Variants in ELOVL6 observed in about 807,000 individuals in gnomAD.
The protein encoded by ELOVL6 is ELOVL fatty acid elongase 6.
Under a neutral mutation model 31.7 loss-of-function variants are expected in ELOVL6, and 8 were observed. The observed-to-expected ratio is 0.25, with a 90% CI of 0.15 to 0.45. The LOEUF (loss-of-function observed/expected upper bound fraction) is 0.45. Ranked by LOEUF, ELOVL6 falls within the 20% of genes least tolerant of loss-of-function variation. The pLI, the probability that ELOVL6 is intolerant of heterozygous loss-of-function variation, is 1.00. For missense variants in ELOVL6, 126 were observed against 326.4 expected (o/e 0.39, Z 4.73); for synonymous variants, 101 against 117.7 (o/e 0.86, Z 0.92).
At chr4:110,125,654 C>T (rs1048347439) in intron 1 of ELOVL6, among the ~76,000 whole-genome samples, 1 of 150,714 alleles carries the variant, frequency 6.6e-6, no homozygotes, top group Non-Finnish European at 1.5e-5. Context: ...AACCCCATCT[C>T]TCTTAAAAAA....
In ELOVL6 at chr4:110,087,520, A is replaced by C. The variant is rs141649317; in HGVS notation, c.221+17977T>G. Among the ~76,000 whole-genome samples, 1,076 of 152,308 alleles carry C rather than the reference A, an allele frequency of 7.1e-3. 16 individuals are homozygous for C. Among genetic ancestry groups the C allele is most frequent in the African/African-American group, 0.025 (1,025 of 41,574 alleles). ...AACTTGGCAGCTCTAAAGGGTAATT[A>C]TTCTCACTTTTGGACTTGATCCAAT... On this transcript the variant is annotated intron_variant, in intron 2 of 3. Coordinates refer to ENST00000302274, the MANE Select transcript of ELOVL6 (RefSeq NM_024090.3).
chr4:110,066,082 G>C (rs1041836158), intron 2 of ELOVL6, among the ~76,000 whole-genome samples: 2 of 152,114 alleles, frequency 1.3e-5, no homozygotes, highest in African/African-American at 4.8e-5. Context: ...ACAATCAAAG[G>C]GGGGTGGGAG....
chr4:110,100,034 A>G (rs1756697912), intron 2 of ELOVL6, among the ~76,000 whole-genome samples: 1 of 152,222 alleles, frequency 6.6e-6, no homozygotes, highest in Non-Finnish European at 1.5e-5. Context: ...ATGTTCAAAC[A>G]CCCATGGATA....
At chr4:110,099,836 T>C (rs1000252158) in intron 2 of ELOVL6, among the ~76,000 whole-genome samples, 2 of 152,120 alleles carry the variant, frequency 1.3e-5, no homozygotes, top group African/African-American at 4.8e-5. Context: ...CATAGCAACA[T>C]GATTGAATGA....
intron 1 of ELOVL6, among the ~76,000 whole-genome samples, chr4:110,139,676 A>T (rs1250788745): frequency 6.6e-6 from 1 of 152,066 alleles, no homozygotes; most frequent in Non-Finnish European, 1.5e-5. Context: ...AGCTTTGTTT[A>T]TCTAAGATTT....
At chr4:110,167,101 CAAG>C (rs1758800108) in intron 1 of ELOVL6, among the ~76,000 whole-genome samples, 1 of 152,168 alleles carries the variant, frequency 6.6e-6, no homozygotes, top group East Asian at 1.9e-4. Flanking sequence ...TGACTTGACC[CAAG>C]AAGACCAAAC....
At chr4:110,082,168 T>C (rs757107629) in intron 2 of ELOVL6, among the ~76,000 whole-genome samples, 17,897 of 148,012 alleles carry the variant, frequency 0.12, 1,088 homozygotes, top group African/African-American at 0.14. Flanking sequence ...AGTTCAACCA[T>C]CGTGGAAGTC....
intron 1 of ELOVL6, among the ~76,000 whole-genome samples, chr4:110,139,088 T>A (rs944499418): frequency 3.9e-5 from 6 of 152,146 alleles, no homozygotes; most frequent in Non-Finnish European, 7.4e-5. Context: ...TTCTTTTTAA[T>A]TTTAAGAAAA....
chr4:110,103,697 C>T (rs78039257), intron 2 of ELOVL6, among the ~76,000 whole-genome samples: 5,193 of 152,122 alleles, frequency 0.034, 140 homozygotes, highest in East Asian at 0.11. Flanking sequence ...AGAGGAAGCT[C>T]TATGGGGTAA....
intron 2 of ELOVL6, among the ~76,000 whole-genome samples, chr4:110,063,964 G>T (rs1755221913): frequency 6.6e-6 from 1 of 151,190 alleles, no homozygotes; most frequent in Non-Finnish European, 1.5e-5. Flanking sequence ...TGTAATCCTA[G>T]CTACTTGGGA....
At chr4:110,103,941 A>G (rs1415550706) in intron 2 of ELOVL6, among the ~76,000 whole-genome samples, 1 of 152,220 alleles carries the variant, frequency 6.6e-6, no homozygotes, top group East Asian at 1.9e-4. Context: ...ACCTTTAGCC[A>G]TGGTATGATT....
At chr4:110,105,468 G>A (rs986428133) in intron 2 of ELOVL6, 29 bp downstream of exon 2, 19 of 1,579,328 alleles carry the variant, frequency 1.2e-5, no homozygotes, top group Middle Eastern at 3.4e-4. Flanking sequence ...AAATGGATAC[G>A]TTTTATTAGA....
chr4:110,147,599 G>C (rs1758154858), intron 1 of ELOVL6, among the ~76,000 whole-genome samples: 1 of 152,114 alleles, frequency 6.6e-6, no homozygotes, highest in African/African-American at 2.4e-5. Context: ...TCAAATGCCT[G>C]GGTAACATGG....
At chr4:110,148,048 G>T (rs1758172669) in intron 1 of ELOVL6, among the ~76,000 whole-genome samples, 2 of 149,520 alleles carry the variant, frequency 1.3e-5, no homozygotes, top group African/African-American at 5.0e-5. Flanking sequence ...GGCAGAGGTT[G>T]CAGTGAGCCG....
At chr4:110,147,778 A>AGGAC (rs1758159498) in intron 1 of ELOVL6, among the ~76,000 whole-genome samples, 1 of 123,918 alleles carries the variant, frequency 8.1e-6, no homozygotes, top group South Asian at 2.7e-4. Context: ...GTGACAGAGC[A>AGGAC]GGACACACAC....
chr4:110,058,882 T>C (rs538372058), intron 3 of ELOVL6, among the ~76,000 whole-genome samples: 1 of 152,268 alleles, frequency 6.6e-6, no homozygotes, highest in African/African-American at 2.4e-5. Context: ...ACTCAGAGCT[T>C]ATTGTCACCA....
chr4:110,085,540 C>A (rs901721093), intron 2 of ELOVL6, among the ~76,000 whole-genome samples: 2 of 152,150 alleles, frequency 1.3e-5, no homozygotes, highest in African/African-American at 4.8e-5. Context: ...ATCTACTGAA[C>A]ACGTCCCAAA....
At chr4:110,149,497 G>C (rs1180334398) in intron 1 of ELOVL6, among the ~76,000 whole-genome samples, 1 of 152,134 alleles carries the variant, frequency 6.6e-6, no homozygotes, top group Non-Finnish European at 1.5e-5. Flanking sequence ...TAGAACCGGA[G>C]GCCATTATCT....
chr4:110,149,050 C>T (rs1228915246), intron 1 of ELOVL6, among the ~76,000 whole-genome samples: 1 of 152,080 alleles, frequency 6.6e-6, no homozygotes, highest in South Asian at 2.1e-4. Context: ...TTAGTAGAGA[C>T]AAGGTTTCAC....
Sources: allele counts gnomAD v4.1 joint callset (sites outside exome capture counted in the v4.1 genomes callset), GRCh38; gene constraint gnomAD v4.1.1; transcripts MANE v1.5; gene names NCBI Gene and HGNC (gene_info 2026-07-23, HGNC 2026-07-21).